The following MAGI2 variants were observed in gnomAD, a reference collection of about 807,000 sequenced individuals.
MAGI2 encodes membrane associated guanylate kinase, WW and PDZ domain containing 2.
A neutral mutation model predicts 133.3 loss-of-function variants in MAGI2; 35 were observed. That is an observed-to-expected ratio of 0.26 (90% CI 0.20 to 0.35). MAGI2 has a LOEUF of 0.35. Ranked by LOEUF, MAGI2 falls within the 10% of genes least tolerant of loss-of-function variation. The pLI is 1.00. For synonymous variants in MAGI2, 729 were observed against 710.6 expected, an observed-to-expected ratio of 1.03 and a Z score of -0.41; for missense variants, 1,636 against 1,863.4, an observed-to-expected ratio of 0.88 and a Z score of 2.25.
chr7:78,281,493 T>G (rs1270480657), intron 9 of MAGI2, among the ~76,000 whole-genome samples: 1 of 152,168 alleles, frequency 6.6e-6, no homozygotes, highest in Admixed American at 6.6e-5. Context: ...CCTTGCTTCC[T>G]CTTATCCTTC....
chr7:78,973,049 A>G (rs865873734), intron 2 of MAGI2, among the ~76,000 whole-genome samples: 16 of 151,858 alleles, frequency 1.1e-4, no homozygotes, highest in African/African-American at 3.9e-4. Context: ...AAACTGAAAT[A>G]CTGAATGGTC....
At chr7:78,459,360 G>T (rs1038423226) in intron 6 of MAGI2, among the ~76,000 whole-genome samples, 7 of 152,140 alleles carry the variant, frequency 4.6e-5, no homozygotes, top group African/African-American at 9.7e-5. Context: ...TTGAGCAAAA[G>T]GTAGTATTAA....
intron 1 of MAGI2, among the ~76,000 whole-genome samples, chr7:79,416,676 A>G (rs375142929): frequency 3.3e-5 from 5 of 151,256 alleles, no homozygotes; most frequent in Admixed American, 1.3e-4. Context: ...AAAGTAGGAC[A>G]CAGGGTACAC....
chr7:78,117,339 T>C (rs891438162), intron 20 of MAGI2, among the ~76,000 whole-genome samples: 1 of 151,942 alleles, frequency 6.6e-6, no homozygotes, highest in Admixed American at 6.5e-5. Context: ...CATGAATAAA[T>C]AGGGCTCATC....
intron 2 of MAGI2, among the ~76,000 whole-genome samples, chr7:79,002,440 C>A (rs925844525): frequency 1.6e-4 from 24 of 152,044 alleles, no homozygotes; most frequent in Admixed American, 4.6e-4. Context: ...CAATCTCAGC[C>A]TGTGTATTTG....
chr7:79,110,607 G>T (rs756075227), intron 1 of MAGI2, among the ~76,000 whole-genome samples: 3 of 152,182 alleles, frequency 2.0e-5, no homozygotes, highest in African/African-American at 7.2e-5. Flanking sequence ...ACTCATTTCA[G>T]TTGAGATTTT....
At chr7:78,693,345 T>C (rs1217141924) in intron 2 of MAGI2, among the ~76,000 whole-genome samples, 1 of 152,192 alleles carries the variant, frequency 6.6e-6, no homozygotes, top group Non-Finnish European at 1.5e-5. Context: ...TTATTTTCTC[T>C]ACTCCCCTTG....
chr7:79,018,398 T>C (rs530219441), intron 1 of MAGI2, among the ~76,000 whole-genome samples: 259 of 152,282 alleles, frequency 1.7e-3, no homozygotes, highest in African/African-American at 5.8e-3. Context: ...CTAAAGGAAG[T>C]AGCAGTTATG....
intron 1 of MAGI2, among the ~76,000 whole-genome samples, chr7:79,255,734 G>A (rs542741273): frequency 2.6e-4 from 39 of 151,820 alleles, no homozygotes; most frequent in Non-Finnish European, 1.0e-4. Context: ...GAAGCTAGAC[G>A]GTCTACAGAA....
chr7:79,347,701 A>G (rs1841425138), intron 1 of MAGI2, among the ~76,000 whole-genome samples: 1 of 151,856 alleles, frequency 6.6e-6, no homozygotes, highest in Non-Finnish European at 1.5e-5. Context: ...GATTCCTTAC[A>G]GATATACTCT....
intron 1 of MAGI2, among the ~76,000 whole-genome samples, chr7:79,438,250 A>T (rs1848275512): frequency 6.6e-6 from 1 of 152,104 alleles, no homozygotes; most frequent in South Asian, 2.1e-4. Flanking sequence ...GGCGCTCATT[A>T]TTCTCCACAC....
chr7:79,316,168 T>C (rs148640410), intron 1 of MAGI2, among the ~76,000 whole-genome samples: 48 of 152,282 alleles, frequency 3.2e-4, no homozygotes, highest in African/African-American at 1.2e-3. Flanking sequence ...GGTAGTTAGA[T>C]GGATGTCTCC....
intron 4 of MAGI2, among the ~76,000 whole-genome samples, chr7:78,516,092 C>T (rs1796018303): frequency 6.6e-6 from 1 of 152,014 alleles, no homozygotes; most frequent in Non-Finnish European, 1.5e-5. Flanking sequence ...AAGGGATTCC[C>T]AGGAAATAAG....
intron 1 of MAGI2, among the ~76,000 whole-genome samples, chr7:79,093,714 C>CTTTTTTTTTTTTTTT (rs369075503): frequency 2.6e-5 from 3 of 113,302 alleles, no homozygotes; most frequent in Non-Finnish European, 3.7e-5. Flanking sequence ...CTTTTCTTTT[C>CTTTTTTTTTTTTTTT]TTTTTTTTTT....
chr7:79,432,429 T>A (rs922413928), intron 1 of MAGI2, among the ~76,000 whole-genome samples: 1 of 152,198 alleles, frequency 6.6e-6, no homozygotes, highest in Non-Finnish European at 1.5e-5. Flanking sequence ...GCTTTTTCCA[T>A]GAGCCTGAGG....
At chr7:78,709,703 ATG>A (rs1451913080) in intron 2 of MAGI2, among the ~76,000 whole-genome samples, 7 of 152,164 alleles carry the variant, frequency 4.6e-5, no homozygotes, top group South Asian at 2.1e-4. Context: ...CAGAATTTAT[ATG>A]TGTTTGTGCC....
At chr7:78,524,884 G>C (rs1340257194) in intron 3 of MAGI2, among the ~76,000 whole-genome samples, 3 of 151,890 alleles carry the variant, frequency 2.0e-5, no homozygotes, top group Non-Finnish European at 4.4e-5. Context: ...ATGATTTTAA[G>C]GTAGTATTCT....
intron 21 of MAGI2, among the ~76,000 whole-genome samples, chr7:78,076,566 G>C (rs1459186421): frequency 6.6e-6 from 1 of 151,724 alleles, no homozygotes; most frequent in African/African-American, 2.4e-5. Flanking sequence ...ATGAAATAAG[G>C]CCGGGCGCGG....
intron 21 of MAGI2, among the ~76,000 whole-genome samples, chr7:78,059,484 T>C (rs1199419541): frequency 2.6e-5 from 4 of 152,182 alleles, no homozygotes; most frequent in African/African-American, 9.7e-5. Flanking sequence ...TCTAGATATA[T>C]CATTTGCGTG....
Sources: gnomAD v4.1 joint callset for allele counts (sites outside exome capture counted in the v4.1 genomes callset) on GRCh38, gnomAD v4.1.1 for gene constraint, MANE v1.5 for transcripts, NCBI Gene and HGNC (gene_info 2026-07-23, HGNC 2026-07-21) for gene names.